SSH2: variants seen among roughly 807,000 people sequenced by gnomAD.
SSH2 encodes the protein protein phosphatase Slingshot homolog 2.
A neutral mutation model predicts 135.2 loss-of-function variants in SSH2; 37 were observed. The observed-to-expected ratio is 0.27, with a 90% CI of 0.21 to 0.36. The LOEUF (loss-of-function observed/expected upper bound fraction) is 0.36, where lower values mean the gene tolerates loss of function less well. SSH2 is among the 10% of genes least tolerant of loss of function. SSH2 has a pLI of 1.00. For missense variants in SSH2, 1,408 were observed against 1,765.3 expected (o/e 0.80, Z 3.63); for synonymous variants, 628 against 646.2 (o/e 0.97, Z 0.43).
At chr17:29,810,904 T>G (rs929497643) in intron 2 of SSH2, among the ~76,000 whole-genome samples, 1 of 152,208 alleles carries the variant, frequency 6.6e-6, no homozygotes, top group African/African-American at 2.4e-5. Flanking sequence ...ATTCGTAAAC[T>G]TTCTTAAAAC....
At chr17:29,812,759 G>A (rs969622204) in intron 2 of SSH2, among the ~76,000 whole-genome samples, 2 of 151,852 alleles carry the variant, frequency 1.3e-5, no homozygotes, top group Non-Finnish European at 2.9e-5. Flanking sequence ...GCATGGTGGC[G>A]GGCGCCTGTA....
chr17:29,761,264 GT>G (rs1214295609), intron 3 of SSH2: 65 of 1,288,860 alleles, frequency 5.0e-5, no homozygotes, highest in Non-Finnish European at 6.2e-5. Context: ...GCGGGCCAAC[GT>G]GCTCAGGGTC....
intron 9 of SSH2, among the ~76,000 whole-genome samples, chr17:29,670,331 G>A (rs186702058): frequency 4.5e-4 from 68 of 152,284 alleles, no homozygotes; most frequent in Non-Finnish European, 9.3e-4. Context: ...GAAATCACCA[G>A]TAACATTTCC....
chr17:29,779,834 AAAAAAAG>A (rs1299063882), intron 3 of SSH2, among the ~76,000 whole-genome samples: 1 of 147,896 alleles, frequency 6.8e-6, no homozygotes, highest in East Asian at 2.0e-4. Flanking sequence ...AAAAAAAAAA[AAAAAAAG>A]ATGAACAGCT....
intron 1 of SSH2, among the ~76,000 whole-genome samples, chr17:29,916,431 G>T (rs1477235320): frequency 6.6e-6 from 1 of 151,656 alleles, no homozygotes; most frequent in Non-Finnish European, 1.5e-5. Flanking sequence ...ACCCTGTACT[G>T]CCACTGCATC....
At chr17:29,652,435 T>C (rs1455689274) in intron 12 of SSH2, among the ~76,000 whole-genome samples, 1 of 151,940 alleles carries the variant, frequency 6.6e-6, no homozygotes, top group Non-Finnish European at 1.5e-5. Context: ...GCTTTCCGAG[T>C]TGAAAAAATG....
chr17:29,690,404 C>CAA (rs1272605484), intron 5 of SSH2, among the ~76,000 whole-genome samples: 62 of 90,368 alleles, frequency 6.9e-4, no homozygotes, highest in African/African-American at 1.3e-3. Flanking sequence ...AACTCTGTCT[C>CAA]AAAAAAAAAA....
At chr17:29,878,536 T>A (rs116925311) in intron 1 of SSH2, among the ~76,000 whole-genome samples, 1 of 152,130 alleles carries the variant, frequency 6.6e-6, no homozygotes, top group Non-Finnish European at 1.5e-5. Context: ...TCAAAATATA[T>A]GTTTAGAATA....
chr17:29,640,578 C>A (rs775783725), intron 14 of SSH2: 3 of 151,962 alleles, frequency 2.0e-5, no homozygotes, highest in Non-Finnish European at 2.9e-5. Context: ...TGGAATTAAA[C>A]TGACACTTGT....
At chr17:29,762,936 C>T (rs1161445171) in intron 3 of SSH2, among the ~76,000 whole-genome samples, 1 of 152,162 alleles carries the variant, frequency 6.6e-6, no homozygotes, top group Non-Finnish European at 1.5e-5. Context: ...TTTCTAAAAA[C>T]TTCACTAACC....
Position 29,631,119 on chromosome 17 carries a change from A to G in SSH2, c.4075T>C (p.Cys1359Arg). 1 of 1,613,692 alleles carries G rather than the reference A, an allele frequency of 6.2e-7. No homozygotes were observed. Residue 1359 changes from cysteine to arginine, a missense_variant, in exon 16 of 16, where the codon TGT becomes CGT. Around this residue, in one of 3 missense-constraint regions of SSH2, gnomAD observed 1,080 missense variants for 1,144.5 expected, o/e 0.94. Transcript: ENST00000540801. ...TCCACTGGCTTGCTCTGCACAATAC[A>G]CTCTGTTGTTGTGAGTTGTTCTACA... ...SFVEQLTTTE[C>R]IVQSKPVERP...
chr17:29,711,901 G>C (rs1204073260), intron 3 of SSH2, among the ~76,000 whole-genome samples: 1 of 152,152 alleles, frequency 6.6e-6, no homozygotes, highest in Non-Finnish European at 1.5e-5. Context: ...AAATATCTGA[G>C]ACAGGTCTCG....
chr17:29,879,977 A>G (rs1468027059), intron 1 of SSH2, among the ~76,000 whole-genome samples: 1 of 152,224 alleles, frequency 6.6e-6, no homozygotes, highest in Non-Finnish European at 1.5e-5. Flanking sequence ...CATGAGACTC[A>G]AATAAAAAAA....
intron 3 of SSH2, among the ~76,000 whole-genome samples, chr17:29,767,552 T>C (rs971840274): frequency 2.0e-5 from 3 of 152,046 alleles, no homozygotes; most frequent in Non-Finnish European, 4.4e-5. Flanking sequence ...GTTATTAATA[T>C]TTCCAGAAAT....
At chr17:29,856,804 T>C (rs544431063) in intron 1 of SSH2, among the ~76,000 whole-genome samples, 9 of 152,048 alleles carry the variant, frequency 5.9e-5, no homozygotes, top group African/African-American at 2.2e-4. Context: ...GTAGATGTTC[T>C]TTCTCCAAAA....
chr17:29,716,241 T>C (rs1392418076), intron 3 of SSH2: 2 of 320,874 alleles, frequency 6.2e-6, no homozygotes, highest in Non-Finnish European at 1.2e-5. Flanking sequence ...AACCTTAACT[T>C]GATCCTGTGT....
intron 3 of SSH2, among the ~76,000 whole-genome samples, chr17:29,745,442 G>A (rs2040728934): frequency 6.6e-6 from 1 of 152,182 alleles, no homozygotes; most frequent in Non-Finnish European, 1.5e-5. Flanking sequence ...TTACAGGCGT[G>A]AGCCACCGCA....
chr17:29,923,480 A>G (rs1427411680), intron 1 of SSH2, among the ~76,000 whole-genome samples: 1 of 151,808 alleles, frequency 6.6e-6, no homozygotes, highest in Non-Finnish European at 1.5e-5. Context: ...TTAGCTGGGC[A>G]TGGTGGTGCA....
chr17:29,770,092 G>GTTTTTTTGTTTTTT (rs1567963018), intron 3 of SSH2, among the ~76,000 whole-genome samples: 1 of 72,924 alleles, frequency 1.4e-5, no homozygotes, highest in Admixed American at 1.4e-4. Flanking sequence ...GCTATATTTA[G>GTTTTTTTGTTTTTT]TTTTTTTTTT....
Sources: allele counts gnomAD v4.1 joint callset (sites outside exome capture counted in the v4.1 genomes callset), GRCh38; gene constraint gnomAD v4.1.1; regional missense constraint gnomAD v4.1.1; transcripts MANE v1.5; gene names NCBI Gene and HGNC (gene_info 2026-07-23, HGNC 2026-07-21).